The following NCOR2 variants were observed in gnomAD, a reference collection of about 807,000 sequenced individuals.
NCOR2 encodes the protein nuclear receptor corepressor 2, also known as CTG repeat protein 26.
A neutral mutation model predicts 262.9 loss-of-function variants in NCOR2; 81 were observed. The ratio of observed to expected loss-of-function variants is 0.31; its 90% CI spans 0.26 to 0.37. NCOR2 has a LOEUF of 0.37. Ranked by LOEUF, NCOR2 falls within the 10% of genes least tolerant of loss-of-function variation. The pLI is 1.00. For missense variants in NCOR2, 3,385 were observed against 3,621.4 expected, an observed-to-expected ratio of 0.93 and a Z score of 1.68; for synonymous variants, 1,659 against 1,559.3, an observed-to-expected ratio of 1.06 and a Z score of -1.51.
At chr12:124,430,886 G>T in intron 8 of NCOR2, 99 bp from the exon 11 acceptor site, 1 of 1,417,132 alleles carries the variant, frequency 7.1e-7, no homozygotes, top group Non-Finnish European at 9.5e-7. Context: ...ACAGGTGCGT[G>T]CGCACACACA....
intron 41 of NCOR2, 30 bp downstream of exon 43, chr12:124,334,394 C>G (rs1019027188): frequency 1.3e-6 from 2 of 1,500,636 alleles, no homozygotes; most frequent in African/African-American, 2.9e-5. Flanking sequence ...GCCGGCTGAC[C>G]AGCAAGAGGC....
At chr12:124,542,016 G>T (rs2051381547) in intron 1 of NCOR2, among the ~76,000 whole-genome samples, 1 of 151,698 alleles carries the variant, frequency 6.6e-6, no homozygotes, top group African/African-American at 2.4e-5. Flanking sequence ...AACTGAGTAG[G>T]AACAGTGTGG....
chr12:124,450,024 G>A (rs747217359), intron 6 of NCOR2, among the ~76,000 whole-genome samples, 157 bp from the exon 9 acceptor site: 3 of 152,156 alleles, frequency 2.0e-5, no homozygotes, highest in African/African-American at 4.8e-5. Flanking sequence ...GACCCAGCAC[G>A]CAGCCCCAGC....
intron 17 of NCOR2, among the ~76,000 whole-genome samples, chr12:124,384,889 G>A (rs183529317): frequency 2.7e-3 from 418 of 152,176 alleles, no homozygotes; most frequent in Non-Finnish European, 4.4e-3. Context: ...GAGGAAACAC[G>A]CAGCCTAGCG....
chr12:124,565,436 G>A (rs1594085852), intron 1 of NCOR2, among the ~76,000 whole-genome samples: 1 of 152,192 alleles, frequency 6.6e-6, no homozygotes, highest in East Asian at 1.9e-4. Context: ...TGCTCTGCTG[G>A]GCCTGACTCA....
At chr12:124,333,268 G>C (rs761605201) in exon 42 of NCOR2, 6 of 1,606,684 alleles carry the variant, frequency 3.7e-6, no homozygotes, top group Middle Eastern at 1.7e-4. Context: ...CGTCTTGTTT[G>C]GCTCTGGAGA....
intron 10 of NCOR2, among the ~76,000 whole-genome samples, chr12:124,428,870 G>A (rs1017395629): frequency 1.3e-5 from 2 of 152,230 alleles, no homozygotes; most frequent in African/African-American, 2.4e-5. Context: ...TGGCTGCCTC[G>A]TGTCTGCTGT....
chr12:124,366,121 G>A (rs1165952053), intron 20 of NCOR2, among the ~76,000 whole-genome samples: 3 of 152,152 alleles, frequency 2.0e-5, no homozygotes, highest in Admixed American at 6.5e-5. Context: ...AAATGTCTAT[G>A]CAGAAACCTG....
chr12:124,415,773 C>A (rs1184963612), intron 13 of NCOR2, among the ~76,000 whole-genome samples: 1 of 152,158 alleles, frequency 6.6e-6, no homozygotes, highest in African/African-American at 2.4e-5. Context: ...TAAACCAGGA[C>A]ATCTCCGGTG....
At chr12:124,441,782 C>T (rs980861322) in intron 7 of NCOR2, among the ~76,000 whole-genome samples, 2 of 152,216 alleles carry the variant, frequency 1.3e-5, no homozygotes, top group African/African-American at 2.4e-5. Flanking sequence ...AACTCTAAGG[C>T]GACAGCGGAG....
intron 1 of NCOR2, among the ~76,000 whole-genome samples, chr12:124,522,187 G>A (rs569635731): frequency 5.9e-5 from 9 of 152,290 alleles, no homozygotes; most frequent in African/African-American, 2.2e-4. Context: ...TACTGTATGT[G>A]CTGAGCACTG....
At position 124,325,407 on chromosome 12, in the gene NCOR2, C is replaced by T. The variant is rs774329880; in HGVS notation, c.7540G>A (p.Glu2514Lys). ...CCCCCCCGCCCTGTTCTGAGTCACT[C>T]GCTGTCGGAGAGTGTCTCGTACTGC... Residue 2514 changes from glutamate (E) to lysine (K), a missense_variant, in exon 47 of 47, where the codon GAG (glutamate) becomes AAG (lysine). Physicochemically the swap from Glu to Lys is moderately conservative, Grantham distance 56. Coordinates refer to ENST00000405201, the Ensembl canonical transcript of NCOR2. The T allele has an allele frequency of 1.3e-5, 5 of 394,496 alleles. No individual in the cohort carries two copies. Among genetic ancestry groups the T allele is most frequent in the South Asian group, 9.0e-5 (2 of 22,212 alleles). The allele number at this position is 394,496 out of a possible 1,614,324, so 24.4% of individuals were successfully genotyped here. A position where few individuals can be genotyped will look rare whatever the true frequency, so the allele number is the denominator to read the frequency against.
chr12:124,372,407 G>T, exon 20 of NCOR2: 1 of 1,507,844 alleles, frequency 6.6e-7, no homozygotes. Flanking sequence ...GCTGGTGGGG[G>T]CGTAGGGGCT....
At chr12:124,555,372 A>C (rs1203383820) in intron 1 of NCOR2, among the ~76,000 whole-genome samples, 2 of 152,160 alleles carry the variant, frequency 1.3e-5, no homozygotes, top group Non-Finnish European at 2.9e-5. Context: ...GTGTGTGCAC[A>C]GCTCACAAAG....
intron 28 of NCOR2, 96 bp downstream of exon 30, chr12:124,350,491 T>C: frequency 6.7e-7 from 1 of 1,491,536 alleles, no homozygotes. Context: ...TTGTGCTTTC[T>C]GATGTCAATC....
chr12:124,329,220 G>A, intron 44 of NCOR2: 1 of 457,750 alleles, frequency 2.2e-6, no homozygotes, highest in South Asian at 1.6e-5. Context: ...CAGCACTTTG[G>A]GAGGCCCAAT....
At chr12:124,382,779 G>A (rs1048078764) in intron 17 of NCOR2, among the ~76,000 whole-genome samples, 2 of 152,240 alleles carry the variant, frequency 1.3e-5, no homozygotes, top group Non-Finnish European at 2.9e-5. Context: ...GGACAGTGAG[G>A]ATAATACTGA....
Position 124,454,354 on chromosome 12 carries a change from G to A in NCOR2, c.762+2752C>T, listed in dbSNP as rs1032163437. ...TAGCCTCCTGTGCCATCAGCCTTGT[G>A]GAAGCCTCTGCTCTGAGATCCCCAA... On this transcript the variant is annotated intron_variant, in intron 6 of 46. Coordinates refer to ENST00000405201, the Ensembl canonical transcript of NCOR2. The surrounding 1 kb of genome is among the most constrained non-coding windows in gnomAD (Gnocchi z 5.6). Among the ~76,000 whole-genome samples the A allele has an allele frequency of 6.6e-6, 1 of 152,166 alleles. No individual in the cohort carries two copies. The highest frequency in any genetic ancestry group is 1.5e-5 in the Non-Finnish European group (1 of 68,036).
At chr12:124,409,169 G>A (rs1048443274) in intron 13 of NCOR2, among the ~76,000 whole-genome samples, 4 of 152,194 alleles carry the variant, frequency 2.6e-5, no homozygotes, top group Non-Finnish European at 4.4e-5. Context: ...TGTGCCAGCC[G>A]AGGCTCTGTT....
Sources: gnomAD v4.1 joint callset for allele counts (sites outside exome capture counted in the v4.1 genomes callset) on GRCh38, gnomAD v4.1.1 for gene constraint, Gnocchi (gnomAD v3.1) non-coding constraint, MANE v1.5 for transcripts, NCBI Gene and HGNC (gene_info 2026-07-23, HGNC 2026-07-21) for gene names.